The following STK3 variants were observed in gnomAD, a reference collection of about 807,000 sequenced individuals.
STK3 encodes the protein serine/threonine-protein kinase 3.
Under a neutral mutation model 58.0 loss-of-function variants are expected in STK3, and 41 were observed. The observed-to-expected ratio is 0.71, with a 90% CI of 0.55 to 0.92. STK3 has a LOEUF of 0.92. Among genes scored for constraint, STK3 ranks in the 40% least tolerant of loss-of-function variants. The pLI is 0.00. For synonymous variants in STK3, 170 were observed against 191.0 expected (o/e 0.89, Z 0.91); for missense variants, 479 against 602.7 (o/e 0.79, Z 2.15).
At chr8:98,448,954 T>A (rs778901106) in intron 1 of STK3, among the ~76,000 whole-genome samples, 4 of 152,180 alleles carry the variant, frequency 2.6e-5, no homozygotes, top group African/African-American at 7.2e-5. Flanking sequence ...TAGATTTTTT[T>A]ATAAGAAATT....
At chr8:98,705,128 C>T (rs1825875844) in intron 6 of STK3, among the ~76,000 whole-genome samples, 1 of 152,086 alleles carries the variant, frequency 6.6e-6, no homozygotes, top group South Asian at 2.1e-4. Context: ...TATACAATTA[C>T]ATTACTCAAA....
chr8:98,411,742 G>A (rs905584943), intron 3 of STK3, among the ~76,000 whole-genome samples: 2 of 152,340 alleles, frequency 1.3e-5, no homozygotes. Flanking sequence ...CCTGAGAAAT[G>A]CCTTATGTGT....
chr8:98,888,975 G>T (rs931948324), intron 1 of STK3, among the ~76,000 whole-genome samples: 3 of 152,080 alleles, frequency 2.0e-5, no homozygotes, highest in Admixed American at 1.3e-4. Context: ...TCTTCTCCTC[G>T]TCCCCACAAA....
chr8:98,428,422 T>A lies in STK3; in HGVS notation n.483+5705A>T. The A allele has an allele frequency of 6.2e-7, 1 of 1,614,094 alleles. No homozygotes were observed. The highest frequency in any genetic ancestry group is 8.5e-7 in the Non-Finnish European group (1 of 1,180,012). The stretch of plus-strand genomic sequence containing the variant: ...GACCAGGAGAGCACCACGTCTTCCT[T>A]CGATGAGATCCTTGCCTTCTACAAC... On this transcript the variant is annotated intron_variant and non_coding_transcript_variant, in intron 3 of 3. Transcript: ENST00000517832. This position sits in a 1 kb window ranked among gnomAD's most constrained non-coding sequence, Gnocchi z 6.7.
At chr8:98,367,287 C>T (rs1272921849), downstream of STK3, among the ~76,000 whole-genome samples, 1 of 152,168 alleles carries the variant, frequency 6.6e-6, no homozygotes, top group Non-Finnish European at 1.5e-5. Context: ...AAAGTCAAAC[C>T]TTACCCCAGC....
chr8:98,566,547 G>C (rs886527368), intron 8 of STK3, among the ~76,000 whole-genome samples: 1 of 152,046 alleles, frequency 6.6e-6, no homozygotes, highest in African/African-American at 2.4e-5. Context: ...GCGAATTTCA[G>C]TTCTGAAATT....
At chr8:98,608,586 A>T (rs1816943608) in intron 6 of STK3, among the ~76,000 whole-genome samples, 1 of 152,204 alleles carries the variant, frequency 6.6e-6, no homozygotes, top group South Asian at 2.1e-4. Context: ...CTGTATTTTA[A>T]TATGCCTGAA....
At chr8:98,448,298 A>G (rs1339731355) in intron 1 of STK3, among the ~76,000 whole-genome samples, 4 of 152,212 alleles carry the variant, frequency 2.6e-5, no homozygotes, top group Non-Finnish European at 5.9e-5. Context: ...ACAACAGAGA[A>G]GGAATTCATG....
intron 10 of STK3, among the ~76,000 whole-genome samples, chr8:98,477,592 C>T (rs1256082549): frequency 1.3e-5 from 2 of 151,430 alleles, no homozygotes; most frequent in Non-Finnish European, 1.5e-5. Context: ...ATCTCAGTCT[C>T]CACCAGAAAG....
chr8:98,430,507 A>C (rs568560755), intron 3 of STK3: 1 of 167,202 alleles, frequency 6.0e-6, no homozygotes, highest in African/African-American at 2.4e-5. Context: ...AGCTCATCAA[A>C]TGAGAGCCCT....
chr8:98,710,014 A>G (rs1448722249), intron 4 of STK3, among the ~76,000 whole-genome samples: 1 of 152,138 alleles, frequency 6.6e-6, no homozygotes, highest in Non-Finnish European at 1.5e-5. Flanking sequence ...GGTTCTAGAC[A>G]GAGCAATTAG....
At chr8:98,517,075 T>C (rs1824986297) in intron 10 of STK3, among the ~76,000 whole-genome samples, 1 of 152,078 alleles carries the variant, frequency 6.6e-6, no homozygotes, top group Non-Finnish European at 1.5e-5. Flanking sequence ...AAAAGGTCTG[T>C]TGAGAACCAT....
At chr8:98,601,850 G>A (rs2052932340) in intron 6 of STK3, among the ~76,000 whole-genome samples, 1 of 152,162 alleles carries the variant, frequency 6.6e-6, no homozygotes, top group Admixed American at 6.5e-5. Context: ...TACGAGGTGA[G>A]CCAAAGGCAT....
chr8:98,411,313 C>T (rs2131040792), intron 3 of STK3, among the ~76,000 whole-genome samples: 1 of 152,356 alleles, frequency 6.6e-6, no homozygotes, highest in African/African-American at 2.4e-5. Context: ...TATCACCTTA[C>T]AACTCTTCTA....
chr8:98,690,906 C>G (rs1339521748), intron 6 of STK3, among the ~76,000 whole-genome samples: 1 of 152,120 alleles, frequency 6.6e-6, no homozygotes, highest in Non-Finnish European at 1.5e-5. Context: ...ATGTCCTTTG[C>G]AGGAATGTGG....
chr8:98,685,791 AGAGGGGGGT>A (rs1231753851), intron 6 of STK3, among the ~76,000 whole-genome samples: 1 of 152,092 alleles, frequency 6.6e-6, no homozygotes, highest in Non-Finnish European at 1.5e-5. Context: ...CCAAAGGTAG[AGAGGGGGGT>A]GAGGGGAGAG....
At chr8:98,678,580 C>T (rs1253149652) in intron 6 of STK3, among the ~76,000 whole-genome samples, 3 of 151,856 alleles carry the variant, frequency 2.0e-5, no homozygotes, top group Non-Finnish European at 4.4e-5. Context: ...TTCACTTTAG[C>T]AATTTTTAAA....
intron 3 of STK3, among the ~76,000 whole-genome samples, chr8:98,854,636 A>G (rs1836601001): frequency 1.3e-5 from 2 of 152,186 alleles, no homozygotes; most frequent in Admixed American, 1.3e-4. Flanking sequence ...TAAATTTAAC[A>G]AAAAAAGCAC....
Position 98,825,568 on chromosome 8 carries a change from G to A in STK3, c.-28C>T. The stretch of plus-strand genomic sequence containing the variant: ...CGGCCGGGGACAGAGAGAGGGACCT[G>A]GTGGACGGCGAAGGCCGAAAGGAGG... On this transcript the variant is annotated 5_prime_UTR_variant, in exon 1 of 11. Transcript: ENST00000419617. The A allele has an allele frequency of 2.1e-6, 3 of 1,449,102 alleles. No homozygotes were observed. Among genetic ancestry groups the A allele is most frequent in the Non-Finnish European group, 2.7e-6 (3 of 1,095,512 alleles). The allele number at this position is 1,449,102 out of a possible 1,614,324, so 89.8% of individuals were successfully genotyped here.
Sources: gnomAD v4.1 joint callset for allele counts (sites outside exome capture counted in the v4.1 genomes callset) on GRCh38, gnomAD v4.1.1 for gene constraint, Gnocchi (gnomAD v3.1) non-coding constraint, MANE v1.5 for transcripts, NCBI Gene and HGNC (gene_info 2026-07-23, HGNC 2026-07-21) for gene names.